Variants in ZNF277 observed in about 807,000 individuals in gnomAD.
ZNF277 encodes the protein zinc finger protein 277.
ZNF277 carries 55 observed loss-of-function variants against 60.7 expected under a neutral mutation model. The ratio of observed to expected loss-of-function variants is 0.91; its 90% confidence interval spans 0.73 to 1.13. The LOEUF is 1.13. Among genes scored for constraint, ZNF277 ranks in the 50% most tolerant of loss-of-function variants. The pLI, the probability that ZNF277 is intolerant of heterozygous loss-of-function variation, is 0.00. For missense variants in ZNF277, 510 were observed against 523.0 expected (o/e 0.98, Z 0.24); for synonymous variants, 178 against 179.3 (o/e 0.99, Z 0.06).
chr7:112,216,493 A>G (rs1821886255), intron 1 of ZNF277, among the ~76,000 whole-genome samples: 1 of 151,940 alleles, frequency 6.6e-6, no homozygotes, highest in Admixed American at 6.6e-5. Flanking sequence ...TATTTTTTGT[A>G]TAGATGAGGT....
chr7:112,292,988 T>C (rs1489216302), intron 2 of ZNF277, among the ~76,000 whole-genome samples: 1 of 152,238 alleles, frequency 6.6e-6, no homozygotes, highest in Non-Finnish European at 1.5e-5. Flanking sequence ...AACTGTCATA[T>C]ATATTAAACA....
At chr7:112,305,787 A>C (rs1792575228) in intron 4 of ZNF277, among the ~76,000 whole-genome samples, 1 of 152,110 alleles carries the variant, frequency 6.6e-6, no homozygotes, top group Admixed American at 6.6e-5. Context: ...GATGACTGAT[A>C]TACCACTCTC....
At chr7:112,218,902 A>G (rs902861553) in intron 1 of ZNF277, among the ~76,000 whole-genome samples, 8 of 152,186 alleles carry the variant, frequency 5.3e-5, no homozygotes, top group Non-Finnish European at 1.2e-4. Context: ...TATCTTGGCT[A>G]TTGTGAATAA....
At chr7:112,265,222 T>A (rs1408251981) in intron 1 of ZNF277, among the ~76,000 whole-genome samples, 2 of 152,176 alleles carry the variant, frequency 1.3e-5, no homozygotes, top group Non-Finnish European at 2.9e-5. Flanking sequence ...CTAACCTTAA[T>A]CATTTCTAGC....
chr7:112,250,473 C>G (rs1005340277), intron 1 of ZNF277, among the ~76,000 whole-genome samples: 70 of 152,288 alleles, frequency 4.6e-4, no homozygotes, highest in African/African-American at 1.5e-3. Flanking sequence ...ACACTCCCTC[C>G]CTTTTTGAAA....
At chr7:112,247,432 T>C (rs1206567882) in intron 1 of ZNF277, among the ~76,000 whole-genome samples, 1 of 152,162 alleles carries the variant, frequency 6.6e-6, no homozygotes, top group Non-Finnish European at 1.5e-5. Flanking sequence ...GGAAGATTAG[T>C]CTGAGAGTAA....
intron 5 of ZNF277, among the ~76,000 whole-genome samples, chr7:112,325,756 A>G (rs1358021045): frequency 2.6e-5 from 4 of 152,068 alleles, no homozygotes; most frequent in Non-Finnish European, 5.9e-5. Flanking sequence ...CCCTGGGTAG[A>G]CCTGACATGC....
intron 1 of ZNF277, among the ~76,000 whole-genome samples, chr7:112,250,362 C>A (rs1269867216): frequency 2.0e-5 from 3 of 152,278 alleles, no homozygotes; most frequent in Non-Finnish European, 4.4e-5. Flanking sequence ...TTTAATTTAG[C>A]CTCGGTCCTG....
chr7:112,336,992 G>A (rs1248519946), intron 8 of ZNF277, among the ~76,000 whole-genome samples: 2 of 152,270 alleles, frequency 1.3e-5, no homozygotes, highest in East Asian at 3.9e-4. Flanking sequence ...GGAAGCTTCT[G>A]TGTGAATTGG....
At chr7:112,224,057 T>C (rs538045584) in intron 1 of ZNF277, among the ~76,000 whole-genome samples, 12 of 152,300 alleles carry the variant, frequency 7.9e-5, no homozygotes, top group African/African-American at 2.6e-4. Flanking sequence ...AGGCAGAGTA[T>C]GCCATAGAGA....
intron 1 of ZNF277, among the ~76,000 whole-genome samples, chr7:112,272,245 TG>T (rs1239293968): frequency 6.6e-6 from 1 of 152,202 alleles, no homozygotes; most frequent in Non-Finnish European, 1.5e-5. Flanking sequence ...CCATCCACAT[TG>T]TTGCAGATGA....
intron 1 of ZNF277, among the ~76,000 whole-genome samples, chr7:112,235,380 C>G (rs967619650): frequency 6.6e-6 from 1 of 152,056 alleles, no homozygotes; most frequent in African/African-American, 2.4e-5. Flanking sequence ...ACATTTCCAC[C>G]AGCAGTGTCT....
chr7:112,342,530 T>C, intron 11 of ZNF277, 31 bp from the exon 12 acceptor site: 1 of 1,537,298 alleles, frequency 6.5e-7, no homozygotes, highest in African/African-American at 1.4e-5. Context: ...AGCTTGGTAA[T>C]TTAATACTAT....
chr7:112,329,487 G>A (rs1034436504), intron 6 of ZNF277, among the ~76,000 whole-genome samples: 1 of 152,040 alleles, frequency 6.6e-6, no homozygotes, highest in Admixed American at 6.6e-5. Context: ...TCACATACAT[G>A]AATAAATACC....
chr7:112,232,922 A>G (rs1016045521), intron 1 of ZNF277, among the ~76,000 whole-genome samples: 65 of 152,058 alleles, frequency 4.3e-4, no homozygotes, highest in African/African-American at 1.6e-3. Context: ...ACCCTAATTC[A>G]TATATTCTCT....
In ZNF277 at chr7:112,286,941, G is replaced by A; in HGVS notation, c.160G>A (p.Gly54Ser). ...TCCAGGTGGCACCACCACTTTAGAAGGTTCTCCATCTGTGCCTTGTATTTT... is the reference window on the plus strand; with the variant it reads ...TCCAGGTGGCACCACCACTTTAGAAAGTTCTCCATCTGTGCCTTGTATTTT... ...ESPGGTTTLE[G>S]SPSVPCIFCE... is the part of the protein sequence containing the mutation. Residue 54 changes from glycine to serine, a missense_variant, in exon 2 of 12, where the codon GGT becomes AGT. Physicochemically the swap from Gly to Ser is moderately conservative, Grantham distance 56. Transcript: ENST00000361822. The A allele has an allele frequency of 6.2e-7, 1 of 1,607,294 alleles. No individual in the cohort carries two copies.
chr7:112,310,949 A>G (rs1205263460), intron 4 of ZNF277, among the ~76,000 whole-genome samples: 1 of 152,140 alleles, frequency 6.6e-6, no homozygotes, highest in African/African-American at 2.4e-5. Context: ...AATGTTTTTG[A>G]TAGCCATAGC....
In ZNF277 at chr7:112,327,798, T is replaced by C; in HGVS notation, c.639T>C (p.Phe213=). The C allele has an allele frequency of 6.2e-7, 1 of 1,611,568 alleles. No individual in the cohort carries two copies. Residue 213 remains phenylalanine, a synonymous_variant, in exon 6 of 12, where the codon TTT becomes TTC. Transcript: ENST00000361822. ...LPDNIVNCNE[F]LCTLQKKLDN... ...ACAACATTGTAAACTGCAATGAATT[T>C]TTGTGTACATTACAGAAAAAGCTTG...
chr7:112,256,351 A>G (rs1455041666), intron 1 of ZNF277, among the ~76,000 whole-genome samples: 1 of 150,314 alleles, frequency 6.7e-6, no homozygotes, highest in Non-Finnish European at 1.5e-5. Context: ...GGAAGACTAT[A>G]CTCTTGAGGA....
Sources: allele counts gnomAD v4.1 joint callset (sites outside exome capture counted in the v4.1 genomes callset), GRCh38; gene constraint gnomAD v4.1.1; transcripts MANE v1.5; gene names NCBI Gene and HGNC (gene_info 2026-07-23, HGNC 2026-07-21).